Variants in IQCB1 observed in about 807,000 individuals in gnomAD.
IQCB1 encodes the protein IQ motif containing B1, also known as IQ calmodulin-binding motif-containing protein 1.
A neutral mutation model predicts 84.4 loss-of-function variants in IQCB1; 56 were observed. The observed-to-expected ratio is 0.66, with a 90% CI of 0.54 to 0.83. The LOEUF (loss-of-function observed/expected upper bound fraction) is 0.83, where lower values mean the gene tolerates loss of function less well. Among genes scored for constraint, IQCB1 ranks in the 40% least tolerant of loss-of-function variants. The pLI, the probability that IQCB1 is intolerant of heterozygous loss-of-function variation, is 0.00. For missense variants in IQCB1, 629 were observed against 682.1 expected, an observed-to-expected ratio of 0.92 and a Z score of 0.87; for synonymous variants, 210 against 234.8, an observed-to-expected ratio of 0.89 and a Z score of 0.96.
intron 5 of IQCB1, among the ~76,000 whole-genome samples, chr3:121,821,009 GA>G (rs924930691): frequency 2.0e-5 from 3 of 149,762 alleles, no homozygotes; most frequent in Admixed American, 6.6e-5. Context: ...TTTTTTTAAA[GA>G]GATAGGATCT....
intron 12 of IQCB1, among the ~76,000 whole-genome samples, chr3:121,784,381 TC>T (rs1468383306): frequency 1.3e-5 from 2 of 152,086 alleles, no homozygotes; most frequent in East Asian, 1.9e-4. Context: ...CTTTAACTTT[TC>T]CCCCACAGTC....
intron 5 of IQCB1, among the ~76,000 whole-genome samples, chr3:121,822,325 T>C (rs781502411): frequency 6.6e-6 from 1 of 152,204 alleles, no homozygotes; most frequent in Non-Finnish European, 1.5e-5. Flanking sequence ...ACCTGACTAA[T>C]ATGCCTGGCT....
intron 5 of IQCB1, among the ~76,000 whole-genome samples, chr3:121,812,341 T>C (rs1361914440): frequency 1.3e-5 from 2 of 152,062 alleles, no homozygotes; most frequent in African/African-American, 2.4e-5. Context: ...AGGCTGAACA[T>C]TCCAAAAACC....
rs140189056 is a variant in IQCB1, at chr3:121,780,881, T to TGAGA, written c.1410+861_1410+862insTCTC. On this transcript the variant is annotated intron_variant, in intron 13 of 14. Transcript: ENST00000310864. ...GTGTGTGTATGTGTGTGTGTGTGTG[T>TGAGA]GTGAGAGAGAGAGAGAGAATGAACT... 1.7e-4 allele frequency among the ~76,000 whole-genome samples: 25 copies of TGAGA among 145,658 alleles called. No homozygotes were observed. In the South Asian group the frequency reaches 3.6e-3, roughly 21 times the overall value.
intron 5 of IQCB1, among the ~76,000 whole-genome samples, chr3:121,809,731 T>C (rs1358991351): frequency 6.6e-6 from 1 of 152,052 alleles, no homozygotes; most frequent in Non-Finnish European, 1.5e-5. Flanking sequence ...ATTTACAATT[T>C]TGTCATTTAT....
intron 13 of IQCB1, among the ~76,000 whole-genome samples, chr3:121,781,045 A>G (rs548041422): frequency 7.9e-5 from 12 of 152,370 alleles, no homozygotes; most frequent in African/African-American, 1.2e-4. Flanking sequence ...ATAAAATTAC[A>G]TAAGTGTGAA....
chr3:121,797,280 T>C (rs1949237770), intron 8 of IQCB1, 53 bp from the exon 9 acceptor site: 2 of 815,130 alleles, frequency 2.5e-6, no homozygotes, highest in Non-Finnish European at 4.0e-6. Flanking sequence ...AAAATATGAT[T>C]TTGTTATCTA....
chr3:121,773,608 T>C (rs969575291), intron 13 of IQCB1, among the ~76,000 whole-genome samples: 5 of 152,216 alleles, frequency 3.3e-5, no homozygotes, highest in African/African-American at 1.2e-4. Context: ...CAAATATTCC[T>C]GTTCCTATCC....
intron 9 of IQCB1, 45 bp from the exon 10 acceptor site, chr3:121,795,611 TAAAA>T (rs34294955): frequency 1.2e-6 from 1 of 819,112 alleles, no homozygotes. Flanking sequence ...GGAAGGTCTT[TAAAA>T]AAAAAAAAAA....
rs1313437206 is a variant in IQCB1, at chr3:121,835,039, G to A, written c.-175C>T. 11 of 570,630 alleles carry A rather than the reference G, an allele frequency of 1.9e-5. No homozygotes were observed. The South Asian group carries it at 2.3e-4, about 12-fold the overall frequency. The allele number at this position is 570,630 out of a possible 1,614,324, so 35.3% of individuals were successfully genotyped here. On this transcript the variant is annotated 5_prime_UTR_variant, in exon 1 of 15. Transcript: ENST00000310864. ...CCGCACTACAGCGCCGCGGCCTTCCGGGGCAGCGTGCGTCGCGACGCGGGA... is the reference window on the plus strand; with the variant it reads ...CCGCACTACAGCGCCGCGGCCTTCCAGGGCAGCGTGCGTCGCGACGCGGGA...
intron 13 of IQCB1, among the ~76,000 whole-genome samples, chr3:121,776,652 C>T (rs2108514300): frequency 6.6e-6 from 1 of 152,322 alleles, no homozygotes; most frequent in Middle Eastern, 3.4e-3. Context: ...TGAAGCAATC[C>T]TCCCACCTTG....
chr3:121,831,404 T>A (rs962421079), intron 2 of IQCB1, among the ~76,000 whole-genome samples: 3 of 152,080 alleles, frequency 2.0e-5, no homozygotes, highest in Non-Finnish European at 2.9e-5. Context: ...AATATCTTTA[T>A]AATAAACTGG....
rs1343193896 is a variant in IQCB1, at chr3:121,808,900, A to T, written c.487+16T>A. On this transcript the variant is annotated intron_variant, in intron 6 of 14. Coordinates refer to ENST00000310864, the MANE Select transcript of IQCB1 (RefSeq NM_001023570.4). ...TCTACAATAGCTATTAGTTACATTA[A>T]AATCTTTTCTCTTACCATTCTGAAT... 6.6e-7 allele frequency: 1 copy of T among 1,504,758 alleles called. No individual in the cohort carries two copies. The highest frequency in any genetic ancestry group is 1.4e-5 in the African/African-American group (1 of 72,848). The allele number at this position is 1,504,758 out of a possible 1,614,324, so 93.2% of individuals were successfully genotyped here.
intron 5 of IQCB1, among the ~76,000 whole-genome samples, chr3:121,810,981 G>T (rs1359190125): frequency 6.6e-6 from 1 of 152,192 alleles, no homozygotes; most frequent in South Asian, 2.1e-4. Context: ...TAAATTCTCT[G>T]CCAGGGGGAT....
At chr3:121,810,034 C>T (rs1196478296) in intron 5 of IQCB1, among the ~76,000 whole-genome samples, 1 of 151,266 alleles carries the variant, frequency 6.6e-6, no homozygotes, top group African/African-American at 2.4e-5. Context: ...CAGAGTTTTA[C>T]CTAAAGATAC....
intron 4 of IQCB1, among the ~76,000 whole-genome samples, chr3:121,826,809 T>C (rs2108639170): frequency 6.6e-6 from 1 of 152,280 alleles, no homozygotes; most frequent in African/African-American, 2.4e-5. Flanking sequence ...AGTCATTTCC[T>C]GTACATAAGT....
chr3:121,776,457 T>A (rs138488951), intron 13 of IQCB1, among the ~76,000 whole-genome samples: 4 of 152,242 alleles, frequency 2.6e-5, no homozygotes, highest in African/African-American at 9.6e-5. Context: ...TTGTACTCTT[T>A]TACATTCCCC....
At chr3:121,792,112 CCT>C (rs1331277430) in intron 10 of IQCB1, among the ~76,000 whole-genome samples, 10 of 152,072 alleles carry the variant, frequency 6.6e-5, no homozygotes, top group African/African-American at 1.9e-4. Context: ...CAAAAAACTA[CCT>C]CTGTTTCTAA....
intron 12 of IQCB1, among the ~76,000 whole-genome samples, chr3:121,786,002 C>G (rs1421073314): frequency 2.2e-5 from 2 of 91,024 alleles, no homozygotes; most frequent in African/African-American, 9.8e-5. Flanking sequence ...GACTTAGTCT[C>G]TACTGAAAAA....
Sources: allele counts gnomAD v4.1 joint callset (sites outside exome capture counted in the v4.1 genomes callset), GRCh38; gene constraint gnomAD v4.1.1; transcripts MANE v1.5; gene names NCBI Gene and HGNC (gene_info 2026-07-23, HGNC 2026-07-21).